SLC39A11: variants seen among roughly 807,000 people sequenced by gnomAD.
The protein encoded by SLC39A11 is solute carrier family 39 member 11.
Under a neutral mutation model 36.1 loss-of-function variants are expected in SLC39A11, and 33 were observed. The ratio of observed to expected loss-of-function variants is 0.91; its 90% CI spans 0.69 to 1.22. SLC39A11 has a LOEUF of 1.22. SLC39A11 is among the 50% of genes most tolerant of loss of function. The pLI, the probability that SLC39A11 is intolerant of heterozygous loss-of-function variation, is 0.00. For missense variants in SLC39A11, 432 were observed against 430.3 expected, an observed-to-expected ratio of 1.00 and a Z score of -0.03; for synonymous variants, 166 against 170.3, an observed-to-expected ratio of 0.97 and a Z score of 0.20.
intron 5 of SLC39A11, among the ~76,000 whole-genome samples, chr17:72,852,007 C>T (rs1348829870): frequency 1.3e-5 from 2 of 151,766 alleles, no homozygotes; most frequent in East Asian, 3.9e-4. Context: ...TTGAGACCAT[C>T]CTGGCTAACA....
At chr17:72,856,783 C>T (rs2079661324) in intron 5 of SLC39A11, among the ~76,000 whole-genome samples, 2 of 152,094 alleles carry the variant, frequency 1.3e-5, no homozygotes, top group Admixed American at 6.6e-5. Context: ...CAGGTTCAAG[C>T]AGTTCTCCTG....
chr17:73,035,388 C>T (rs573990981), intron 3 of SLC39A11, among the ~76,000 whole-genome samples: 13 of 152,270 alleles, frequency 8.5e-5, no homozygotes, highest in Middle Eastern at 3.4e-3. Context: ...TGATTGCCCA[C>T]CTCAGCCTCC....
intron 7 of SLC39A11, among the ~76,000 whole-genome samples, chr17:72,660,921 A>C (rs1289143979): frequency 1.3e-5 from 2 of 152,212 alleles, no homozygotes; most frequent in Non-Finnish European, 2.9e-5. Context: ...GGAGGGGACC[A>C]ACCCTGATTG....
intron 4 of SLC39A11, among the ~76,000 whole-genome samples, chr17:73,029,302 T>A (rs2058668048): frequency 6.6e-6 from 1 of 151,942 alleles, no homozygotes; most frequent in Non-Finnish European, 1.5e-5. Context: ...GAGACTATCT[T>A]GGAAGCCCAG....
Position 72,647,517 on chromosome 17 carries a change from G to T in SLC39A11, c.*67C>A. 1 of 1,330,582 alleles carries T rather than the reference G, an allele frequency of 7.5e-7. No homozygotes were observed. Among genetic ancestry groups the T allele is most frequent in the Non-Finnish European group, 1.1e-6 (1 of 945,796 alleles). The allele number at this position is 1,330,582 out of a possible 1,614,324, so 82.4% of individuals were successfully genotyped here. A position where few individuals can be genotyped will look rare whatever the true frequency, so the allele number is the denominator to read the frequency against. On this transcript the variant is annotated 3_prime_UTR_variant, in exon 10 of 10. Transcript: ENST00000255559. ...TTTAATGTGAAGAAAGAAGCTTGTTGTCCCATAGAAGCCAACCACTGCTGT... is the reference window on the plus strand; with the variant it reads ...TTTAATGTGAAGAAAGAAGCTTGTTTTCCCATAGAAGCCAACCACTGCTGT...
At chr17:72,884,806 C>CT (rs1410809901) in intron 5 of SLC39A11, among the ~76,000 whole-genome samples, 5 of 152,310 alleles carry the variant, frequency 3.3e-5, no homozygotes, top group South Asian at 2.1e-4. Context: ...AAATGGATAG[C>CT]TTTAACATAA....
intron 6 of SLC39A11, among the ~76,000 whole-genome samples, chr17:72,829,854 G>C (rs1289055509): frequency 6.6e-6 from 1 of 152,088 alleles, no homozygotes; most frequent in African/African-American, 2.4e-5. Flanking sequence ...TCAAAGGTGT[G>C]TTTTGAGCCC....
At chr17:73,006,770 A>G (rs78856472) in intron 4 of SLC39A11, among the ~76,000 whole-genome samples, 4,546 of 152,198 alleles carry the variant, frequency 0.03, 148 homozygotes, top group African/African-American at 0.075. Flanking sequence ...CACACTGCAG[A>G]CAGTACGTGA....
chr17:72,957,378 G>T (rs373565457), intron 4 of SLC39A11, among the ~76,000 whole-genome samples: 34 of 152,260 alleles, frequency 2.2e-4, no homozygotes, highest in African/African-American at 7.9e-4. Context: ...GGAACCCCAG[G>T]AATTCCCTGC....
chr17:72,722,160 T>C (rs755323413), intron 7 of SLC39A11, among the ~76,000 whole-genome samples: 5 of 152,142 alleles, frequency 3.3e-5, no homozygotes, highest in African/African-American at 4.8e-5. Context: ...TCTTTTGGGA[T>C]AATACTTAGG....
In SLC39A11 at chr17:72,740,101, C is replaced by T. The variant is rs187793558; in HGVS notation, c.602-3382G>A. On this transcript the variant is annotated intron_variant, in intron 6 of 9. Coordinates refer to ENST00000255559, the MANE Select transcript of SLC39A11 (RefSeq NM_139177.4). ...TTTTTGAGATGGAGTCTCTCTCTGTCGCCCAGGCTGGAGTGCAGTGGCGCC... is the reference window on the plus strand; with the variant it reads ...TTTTTGAGATGGAGTCTCTCTCTGTTGCCCAGGCTGGAGTGCAGTGGCGCC... 1.9e-3 allele frequency among the ~76,000 whole-genome samples: 222 copies of T among 117,272 alleles called. 4 individuals are homozygous for T. In the East Asian group the frequency reaches 0.048, roughly 26 times the overall value. 76.9% of individuals were successfully genotyped at this position (117,272 alleles called of 152,430 possible). A position where few individuals can be genotyped will look rare whatever the true frequency, so the allele number is the denominator to read the frequency against.
intron 5 of SLC39A11, among the ~76,000 whole-genome samples, chr17:72,889,360 C>G (rs2081601725): frequency 6.6e-6 from 1 of 151,864 alleles, no homozygotes; most frequent in Non-Finnish European, 1.5e-5. Flanking sequence ...AATAAAAATA[C>G]AAAAATCAGC....
intron 3 of SLC39A11, among the ~76,000 whole-genome samples, chr17:73,080,529 A>C (rs1253084967): frequency 6.6e-6 from 1 of 152,218 alleles, no homozygotes; most frequent in Non-Finnish European, 1.5e-5. Flanking sequence ...AACCATAAAA[A>C]TTCTAGAAGA....
chr17:73,045,589 T>C (rs966934131), intron 3 of SLC39A11, among the ~76,000 whole-genome samples: 1 of 152,100 alleles, frequency 6.6e-6, no homozygotes, highest in Non-Finnish European at 1.5e-5. Context: ...TGTGCTCCAG[T>C]CTAATAACGC....
At chr17:72,909,450 T>G (rs1034904280) in intron 5 of SLC39A11, among the ~76,000 whole-genome samples, 1 of 152,182 alleles carries the variant, frequency 6.6e-6, no homozygotes, top group Non-Finnish European at 1.5e-5. Flanking sequence ...CGGGTCTCCA[T>G]GCAACACGCT....
rs1013822320 is a variant in SLC39A11 at position 72,859,626 on chromosome 17, A to C, written c.431-9822T>G. 5.3e-5 allele frequency among the ~76,000 whole-genome samples: 8 copies of C among 151,128 alleles called. 1 individual carries two copies. The highest frequency in any genetic ancestry group is 1.5e-5 in the Non-Finnish European group (1 of 67,804). ...TGCACTCTACCCTGAGAGCAGCCACATATTCATCTCCATGTAAAATCTATG... is the reference window on the plus strand; with the variant it reads ...TGCACTCTACCCTGAGAGCAGCCACCTATTCATCTCCATGTAAAATCTATG... On this transcript the variant is annotated intron_variant, in intron 5 of 9. Coordinates refer to ENST00000255559, the MANE Select transcript of SLC39A11 (RefSeq NM_139177.4).
At chr17:72,959,232 C>T (rs2086439824) in intron 4 of SLC39A11, among the ~76,000 whole-genome samples, 1 of 150,452 alleles carries the variant, frequency 6.6e-6, no homozygotes, top group Non-Finnish European at 1.5e-5. Flanking sequence ...TTTGTAGCAG[C>T]ACAATTTACA....
intron 3 of SLC39A11, among the ~76,000 whole-genome samples, chr17:73,045,261 T>TC (rs2059241773): frequency 4.6e-5 from 7 of 151,874 alleles, no homozygotes; most frequent in Admixed American, 4.6e-4. Flanking sequence ...TGACTGTAGG[T>TC]CCCCCAGGTG....
intron 7 of SLC39A11, among the ~76,000 whole-genome samples, chr17:72,667,654 C>T (rs8071063): frequency 0.066 from 9,980 of 152,212 alleles, 502 homozygotes; most frequent in African/African-American, 0.13. Context: ...AAGCAACCAC[C>T]CTCACCAGAG....
Sources: allele counts gnomAD v4.1 joint callset (sites outside exome capture counted in the v4.1 genomes callset), GRCh38; gene constraint gnomAD v4.1.1; transcripts MANE v1.5; gene names NCBI Gene and HGNC (gene_info 2026-07-23, HGNC 2026-07-21).